The following CNTN5 variants were observed in gnomAD, a reference collection of about 807,000 sequenced individuals.
CNTN5 encodes the protein contactin-5.
Under a neutral mutation model 129.1 loss-of-function variants are expected in CNTN5, and 77 were observed. The ratio of observed to expected loss-of-function variants is 0.60; its 90% confidence interval spans 0.50 to 0.72. CNTN5 has a LOEUF of 0.72. CNTN5 is among the 30% of genes least tolerant of loss of function. CNTN5 has a pLI of 0.00. For synonymous variants in CNTN5, 509 were observed against 465.6 expected (o/e 1.09, Z -1.20); for missense variants, 1,478 against 1,328.8 (o/e 1.11, Z -1.75).
chr11:99,294,167 G>A (rs943029559), intron 1 of CNTN5, among the ~76,000 whole-genome samples: 1 of 151,882 alleles, frequency 6.6e-6, no homozygotes, highest in Non-Finnish European at 1.5e-5. Flanking sequence ...TTAATTCATT[G>A]GTTGTACAGG....
At chr11:100,260,140 A>G (rs1309968071) in intron 17 of CNTN5, among the ~76,000 whole-genome samples, 1 of 152,204 alleles carries the variant, frequency 6.6e-6, no homozygotes, top group Non-Finnish European at 1.5e-5. Context: ...AGAAATACAA[A>G]CTACCACCAG....
At chr11:100,158,765 G>A (rs1947341411) in intron 13 of CNTN5, among the ~76,000 whole-genome samples, 1 of 151,852 alleles carries the variant, frequency 6.6e-6, no homozygotes, top group South Asian at 2.1e-4. Context: ...GACCACTCCA[G>A]AGACAGTTTG....
chr11:100,081,384 A>G (rs1475165079), intron 13 of CNTN5, among the ~76,000 whole-genome samples: 1 of 152,162 alleles, frequency 6.6e-6, no homozygotes, highest in African/African-American at 2.4e-5. Flanking sequence ...AATGAAGTCA[A>G]TTAAGAAACC....
chr11:99,349,652 T>G (rs957447231), intron 2 of CNTN5, among the ~76,000 whole-genome samples: 1 of 152,130 alleles, frequency 6.6e-6, no homozygotes, highest in Non-Finnish European at 1.5e-5. Flanking sequence ...TCTGGAGATG[T>G]TAGAAGGGAG....
At chr11:100,154,562 G>C (rs1306365739) in intron 13 of CNTN5, among the ~76,000 whole-genome samples, 1 of 152,110 alleles carries the variant, frequency 6.6e-6, no homozygotes, top group Non-Finnish European at 1.5e-5. Flanking sequence ...TGGGTCAAAT[G>C]GTATTTCTGG....
At chr11:99,367,902 A>C (rs2136124001) in intron 2 of CNTN5, among the ~76,000 whole-genome samples, 1 of 152,316 alleles carries the variant, frequency 6.6e-6, no homozygotes, top group Admixed American at 6.5e-5. Flanking sequence ...TAATACTTAG[A>C]TAACAAATAA....
intron 16 of CNTN5, among the ~76,000 whole-genome samples, chr11:100,228,081 T>A (rs781186822): frequency 1.2e-4 from 18 of 152,172 alleles, no homozygotes; most frequent in Non-Finnish European, 2.5e-4. Flanking sequence ...TAAACTAGGG[T>A]AACTAGGAGT....
chr11:99,914,771 C>T (rs759087742), intron 6 of CNTN5, among the ~76,000 whole-genome samples: 16 of 152,152 alleles, frequency 1.1e-4, no homozygotes, highest in Non-Finnish European at 1.5e-4. Context: ...CATGTCTTCA[C>T]TACTTATTAG....
chr11:99,128,176 C>A (rs1858742386), intron 1 of CNTN5, among the ~76,000 whole-genome samples: 1 of 152,164 alleles, frequency 6.6e-6, no homozygotes, highest in Non-Finnish European at 1.5e-5. Context: ...ACCCCACAAG[C>A]TGAGACCCAC....
chr11:99,720,531 C>G (rs752467770), intron 3 of CNTN5, among the ~76,000 whole-genome samples: 1 of 152,066 alleles, frequency 6.6e-6, no homozygotes. Context: ...CTATGACAAA[C>G]CCCTGGCCAA....
intron 15 of CNTN5, among the ~76,000 whole-genome samples, chr11:100,204,918 G>A (rs12295021): frequency 0.046 from 6,928 of 151,918 alleles, 344 homozygotes; most frequent in African/African-American, 0.13. Flanking sequence ...GATGAAATGC[G>A]TAATATAATA....
intron 8 of CNTN5, among the ~76,000 whole-genome samples, chr11:100,000,696 G>C (rs948172225): frequency 1.3e-5 from 2 of 152,168 alleles, no homozygotes. Context: ...CCCTAGTAGA[G>C]GTTCTCCATT....
At position 99,670,937 on chromosome 11, in the gene CNTN5, T is replaced by C. The variant is rs551589101; in HGVS notation, c.55+114668T>C. Among the ~76,000 whole-genome samples, 22 of 152,332 alleles carry C rather than the reference T, an allele frequency of 1.4e-4. No homozygotes were observed. The South Asian group carries it at 4.6e-3, about 32-fold the overall frequency. On this transcript the variant is annotated intron_variant, in intron 3 of 24. Coordinates refer to ENST00000524871, the MANE Select transcript of CNTN5 (RefSeq NM_014361.4). ...TGCCTGGCATATAGTAGGCACTATGTAATTATCGATACTGTTGTTTCCCTT... is the reference window on the plus strand; with the variant it reads ...TGCCTGGCATATAGTAGGCACTATGCAATTATCGATACTGTTGTTTCCCTT...
At chr11:99,243,947 G>C (rs1366138127) in intron 1 of CNTN5, among the ~76,000 whole-genome samples, 1 of 151,652 alleles carries the variant, frequency 6.6e-6, no homozygotes, top group African/African-American at 2.4e-5. Flanking sequence ...TGGATATTCA[G>C]GTTCTTTTTT....
Position 100,318,176 on chromosome 11 carries a change from A to G in CNTN5, c.2730+9708A>G, listed in dbSNP as rs373828874. On this transcript the variant is annotated intron_variant, in intron 21 of 24. Transcript: ENST00000524871. ...GAATGGCGTGAACCCGGGAGGCCGAACTTGCAGTGAGCCGAGATCGCGCCA... is the reference window on the plus strand; with the variant it reads ...GAATGGCGTGAACCCGGGAGGCCGAGCTTGCAGTGAGCCGAGATCGCGCCA... Among the ~76,000 whole-genome samples, 901 of 148,782 alleles carry G rather than the reference A, an allele frequency of 6.1e-3. 9 individuals are homozygous for G. The highest frequency in any genetic ancestry group is 0.021 in the African/African-American group (840 of 40,188).
At chr11:99,974,392 A>G (rs1937794300) in intron 8 of CNTN5, among the ~76,000 whole-genome samples, 2 of 152,204 alleles carry the variant, frequency 1.3e-5, no homozygotes, top group South Asian at 4.1e-4. Context: ...TGTTTTATCT[A>G]CTGTATCATC....
At chr11:99,729,848 T>C (rs1213630415) in intron 3 of CNTN5, among the ~76,000 whole-genome samples, 4 of 151,894 alleles carry the variant, frequency 2.6e-5, no homozygotes, top group Non-Finnish European at 5.9e-5. Flanking sequence ...AGCTGAACAA[T>C]GAGAACACAT....
chr11:100,040,285 A>G (rs952326985), intron 9 of CNTN5, among the ~76,000 whole-genome samples: 1 of 152,134 alleles, frequency 6.6e-6, no homozygotes, highest in African/African-American at 2.4e-5. Context: ...AGAACAGCAG[A>G]TATTGGAGAA....
intron 3 of CNTN5, among the ~76,000 whole-genome samples, chr11:99,683,916 C>T (rs1953670912): frequency 6.6e-6 from 1 of 151,816 alleles, no homozygotes; most frequent in Non-Finnish European, 1.5e-5. Flanking sequence ...ACCTAATTAA[C>T]ATATGTAGTA....
Sources: allele counts gnomAD v4.1 joint callset (sites outside exome capture counted in the v4.1 genomes callset), GRCh38; gene constraint gnomAD v4.1.1; transcripts MANE v1.5; gene names NCBI Gene and HGNC (gene_info 2026-07-23, HGNC 2026-07-21).